ZNF177: variants seen among roughly 807,000 people sequenced by gnomAD.
ZNF177 encodes the protein zinc finger protein 177.
ZNF177 carries 17 observed loss-of-function variants against 19.4 expected under a neutral mutation model. The observed-to-expected ratio is 0.87, with a 90% CI of 0.60 to 1.31. The LOEUF is 1.31. Ranked by LOEUF, ZNF177 falls within the 40% of genes most tolerant of loss-of-function variation. The probability of loss-of-function intolerance (pLI) is 0.00; values close to 1 mark genes in which losing one functional copy is unlikely to be tolerated. For missense variants in ZNF177, 633 were observed against 561.8 expected, an observed-to-expected ratio of 1.13 and a Z score of -1.28; for synonymous variants, 220 against 188.7, an observed-to-expected ratio of 1.17 and a Z score of -1.36.
intron 1 of ZNF177, among the ~76,000 whole-genome samples, chr19:9,363,626 AAATG>A (rs1324065756): frequency 1.3e-5 from 2 of 152,204 alleles, no homozygotes; most frequent in African/African-American, 4.8e-5. Context: ...GTCAAAGCAT[AAATG>A]AATGTGTAAT....
Position 9,381,216 on chromosome 19 carries a change from T to G in ZNF177, c.885T>G (p.Phe295Leu), listed in dbSNP as rs547464083. 5.0e-6 allele frequency: 8 copies of G among 1,614,180 alleles called. No homozygotes were observed. The African/African-American group carries it at 1.1e-4, about 22-fold the overall frequency. The stretch of plus-strand genomic sequence containing the variant: ...GTGACTGTGGGAAAGCCTTCATTTT[T>G]CAGTCTTCCCTTAAGAAACACATGA... The change falls in exon 6 of 6, where the codon TTT becomes TTG. Residue 295 changes from phenylalanine to leucine, a missense_variant. Physicochemically the swap from Phe to Leu is conservative, Grantham distance 22. Transcript: ENST00000589262.
At chr19:9,380,373 T>G (rs953867986) in intron 5 of ZNF177, among the ~76,000 whole-genome samples, 7 of 151,466 alleles carry the variant, frequency 4.6e-5, no homozygotes, top group African/African-American at 1.7e-4. Flanking sequence ...TATGTAAATA[T>G]GATTTTAGAG....
chr19:9,380,501 C>G (rs1049159567), intron 5 of ZNF177, 167 bp from the exon 8 acceptor site: 2 of 1,378,682 alleles, frequency 1.5e-6, no homozygotes, highest in Non-Finnish European at 2.0e-6. Flanking sequence ...TTATTCAACT[C>G]GAAAAAGCTA....
At position 9,378,894 on chromosome 19, in the gene ZNF177, C is replaced by T; in HGVS notation, c.34-68C>T. ...CCTCTCCAGTCCTGTCAGCCTCACC[C>T]ACCATTCTCCTGGTACATTGTCAAA... On this transcript the variant is annotated intron_variant, in intron 2 of 5. Transcript: ENST00000589262. 2.0e-6 allele frequency: 3 copies of T among 1,514,642 alleles called. No individual in the cohort carries two copies. The South Asian group carries it at 4.1e-5, about 21-fold the overall frequency. 93.8% of individuals were successfully genotyped at this position (1,514,642 alleles called of 1,614,324 possible).
exon 2 of ZNF177, chr19:9,378,285 C>T: frequency 6.2e-7 from 1 of 1,613,284 alleles, no homozygotes; most frequent in Non-Finnish European, 8.5e-7. Flanking sequence ...CTCTGCCCAG[C>T]CAGGAAGGAA....
downstream of ZNF177, chr19:9,382,534 ACTCTTGTGGGAAGTTC>A: frequency 2.5e-6 from 1 of 397,040 alleles, no homozygotes. Flanking sequence ...GGTTTAAACC[ACTCTTGTGGGAAGTTC>A]CTCTTTCAGC....
chr19:9,374,121 A>T (rs1163094763), upstream of ZNF177, among the ~76,000 whole-genome samples: 1 of 152,040 alleles, frequency 6.6e-6, no homozygotes, highest in South Asian at 2.1e-4. Context: ...TCACATGTGG[A>T]TATCTAGTTT....
intron 3 of ZNF177, 99 bp from the exon 6 acceptor site, chr19:9,379,428 T>C (rs2068157559): frequency 7.0e-7 from 1 of 1,433,380 alleles, no homozygotes; most frequent in African/African-American, 1.4e-5. Context: ...CTTGACTATT[T>C]TAATAATCCT....
intron 2 of ZNF177, among the ~76,000 whole-genome samples, chr19:9,370,533 C>T (rs2068034394): frequency 6.6e-6 from 1 of 151,984 alleles, no homozygotes; most frequent in Non-Finnish European, 1.5e-5. Context: ...CCCACCTCAG[C>T]CTCCCTAGTA....
upstream of ZNF177, among the ~76,000 whole-genome samples, chr19:9,373,048 A>G (rs2068067472): frequency 1.3e-5 from 2 of 152,222 alleles, no homozygotes; most frequent in African/African-American, 4.8e-5. Flanking sequence ...AATTTCAAAT[A>G]TACAGTACAT....
chr19:9,368,128 A>G (rs1487231083), intron 2 of ZNF177, among the ~76,000 whole-genome samples: 4 of 152,296 alleles, frequency 2.6e-5, no homozygotes, highest in African/African-American at 7.2e-5. Flanking sequence ...TTTCTGTTTT[A>G]AAAGAATATC....
At chr19:9,367,511 C>A (rs1266740801) in intron 2 of ZNF177, among the ~76,000 whole-genome samples, 1 of 152,086 alleles carries the variant, frequency 6.6e-6, no homozygotes, top group African/African-American at 2.4e-5. Flanking sequence ...CTCTTGCATT[C>A]CTCTGGTAAA....
At chr19:9,373,992 TAA>T, upstream of ZNF177, among the ~76,000 whole-genome samples, 1 of 152,174 alleles carries the variant, frequency 6.6e-6, no homozygotes, top group Admixed American at 6.5e-5. Context: ...TTGTCAAAAT[TAA>T]TATCAAAGAG....
chr19:9,372,420 A>AATAT (rs569513110), upstream of ZNF177, among the ~76,000 whole-genome samples: 15 of 152,126 alleles, frequency 9.9e-5, no homozygotes, highest in Non-Finnish European at 2.1e-4. Flanking sequence ...CATACCTAGG[A>AATAT]ATAGAGTGCT....
rs1395261082 is a variant in ZNF177, at chr19:9,380,049, T to A, written c.254-8T>A. The A allele has an allele frequency of 1.2e-6, 2 of 1,607,548 alleles. No homozygotes were observed. The highest frequency in any genetic ancestry group is 1.7e-6 in the Non-Finnish European group (2 of 1,178,526). On this transcript the variant is annotated splice_region_variant and splice_polypyrimidine_tract_variant and intron_variant, in intron 4 of 5. Transcript: ENST00000589262. Reference sequence around the variant, plus strand: ...CCAATAATTATAAAAATTCCTGTGCTATTTCAGACTGGGAAACTCAACTTA... The same window carrying A: ...CCAATAATTATAAAAATTCCTGTGCAATTTCAGACTGGGAAACTCAACTTA...
chr19:9,376,866 G>C (rs1248476214), intron 1 of ZNF177, among the ~76,000 whole-genome samples: 1 of 152,074 alleles, frequency 6.6e-6, no homozygotes, highest in East Asian at 1.9e-4. Context: ...CTTTACCCCA[G>C]TGGGTTTTAT....
upstream of ZNF177, among the ~76,000 whole-genome samples, chr19:9,371,424 GTTTGT>G (rs2068045997): frequency 6.6e-6 from 1 of 152,004 alleles, no homozygotes; most frequent in Non-Finnish European, 1.5e-5. Flanking sequence ...TTGCTGACTG[GTTTGT>G]TTTCATTGCT....
Position 9,380,667 on chromosome 19 carries a change from G to A in ZNF177, c.337-1G>A, listed in dbSNP as rs2068182809. On this transcript the variant is annotated splice_acceptor_variant, in intron 5 of 5. Transcript: ENST00000589262. LOFTEE classifies it high-confidence loss of function. ...GTCACCACTTACTCCCTTTTCAACA[G>A]GCAGAAAATCAACCTGGTGAGCACT... The A allele has an allele frequency of 7.8e-6, 12 of 1,535,530 alleles. No homozygotes were observed. Among genetic ancestry groups the A allele is most frequent in the Non-Finnish European group, 1.0e-5 (12 of 1,146,766 alleles).
chr19:9,370,702 G>A (rs1599386037), intron 2 of ZNF177, among the ~76,000 whole-genome samples: 1 of 152,148 alleles, frequency 6.6e-6, no homozygotes. Flanking sequence ...GATTACTGGT[G>A]TGAGCCACTG....
Sources: gnomAD v4.1 joint callset for allele counts (sites outside exome capture counted in the v4.1 genomes callset) on GRCh38, gnomAD v4.1.1 for gene constraint, MANE v1.5 for transcripts, NCBI Gene and HGNC (gene_info 2026-07-23, HGNC 2026-07-21) for gene names.